The following PLXDC2 variants were observed in gnomAD, a reference collection of about 807,000 sequenced individuals.
PLXDC2 encodes plexin domain-containing protein 2.
In PLXDC2, 40 loss-of-function variants were observed where a neutral mutation model predicts 68.9. The ratio of observed to expected loss-of-function variants is 0.58; its 90% CI spans 0.45 to 0.76. The LOEUF is 0.76. PLXDC2 is among the 30% of genes least tolerant of loss of function. PLXDC2 has a pLI of 0.00. For missense variants in PLXDC2, 644 were observed against 661.9 expected (o/e 0.97, Z 0.30); for synonymous variants, 243 against 234.2 (o/e 1.04, Z -0.34).
At chr10:19,995,580 T>A (rs1834830779) in intron 1 of PLXDC2, among the ~76,000 whole-genome samples, 1 of 152,208 alleles carries the variant, frequency 6.6e-6, no homozygotes, top group Admixed American at 6.5e-5. Context: ...TGAGCCACTT[T>A]TATCAGTTAG....
At chr10:19,844,440 T>C (rs1378814564) in intron 1 of PLXDC2, among the ~76,000 whole-genome samples, 1 of 152,164 alleles carries the variant, frequency 6.6e-6, no homozygotes, top group Non-Finnish European at 1.5e-5. Flanking sequence ...TCAAAAGTGA[T>C]GTATTACAAA....
At chr10:20,198,675 T>C (rs1026549519) in intron 9 of PLXDC2, among the ~76,000 whole-genome samples, 4 of 152,130 alleles carry the variant, frequency 2.6e-5, no homozygotes, top group Non-Finnish European at 5.9e-5. Context: ...CATAAAAAAA[T>C]TATATCTCTG....
At chr10:20,057,717 A>T (rs1025470863) in intron 3 of PLXDC2, among the ~76,000 whole-genome samples, 2 of 152,164 alleles carry the variant, frequency 1.3e-5, no homozygotes, top group African/African-American at 2.4e-5. Flanking sequence ...CTGAAAAGAA[A>T]TGCCAAGTAA....
intron 4 of PLXDC2, among the ~76,000 whole-genome samples, chr10:20,103,482 C>A (rs111851689): frequency 0.023 from 3,530 of 151,202 alleles, 65 homozygotes; most frequent in South Asian, 0.074. Context: ...GAATGTGGAT[C>A]CAGAGATAGC....
chr10:20,150,929 A>G (rs1464364478), intron 6 of PLXDC2, among the ~76,000 whole-genome samples: 1 of 152,216 alleles, frequency 6.6e-6, no homozygotes, highest in Non-Finnish European at 1.5e-5. Flanking sequence ...GGGAATTTCA[A>G]GATGACAGGC....
chr10:20,229,923 T>C (rs1243267145), intron 12 of PLXDC2, among the ~76,000 whole-genome samples: 2 of 151,790 alleles, frequency 1.3e-5, no homozygotes, highest in Non-Finnish European at 2.9e-5. Context: ...CACCAGCCAC[T>C]AAAGAAAAAA....
chr10:20,090,960 T>G (rs1833268302), intron 4 of PLXDC2, among the ~76,000 whole-genome samples: 1 of 152,218 alleles, frequency 6.6e-6, no homozygotes, highest in South Asian at 2.1e-4. Context: ...GAATACAATT[T>G]CAGCCACAGT....
intron 4 of PLXDC2, among the ~76,000 whole-genome samples, chr10:20,114,728 G>A (rs1011361572): frequency 2.0e-5 from 3 of 152,292 alleles, no homozygotes; most frequent in East Asian, 1.9e-4. Context: ...ACAGCAGCCT[G>A]TGAAAATGCA....
chr10:20,019,557 G>T (rs1835269060), intron 2 of PLXDC2, among the ~76,000 whole-genome samples: 1 of 152,168 alleles, frequency 6.6e-6, no homozygotes, highest in African/African-American at 2.4e-5. Context: ...TAAGGTTAAT[G>T]AGGTCATAAG....
chr10:20,154,787 C>A (rs1028419094), intron 6 of PLXDC2, among the ~76,000 whole-genome samples: 2 of 151,398 alleles, frequency 1.3e-5, no homozygotes, highest in Non-Finnish European at 2.9e-5. Flanking sequence ...AACTCGGGTT[C>A]TTTTTTTTCA....
chr10:19,844,858 T>C (rs1836976159), intron 1 of PLXDC2, among the ~76,000 whole-genome samples: 1 of 152,170 alleles, frequency 6.6e-6, no homozygotes, highest in African/African-American at 2.4e-5. Flanking sequence ...CCTCCCAAAG[T>C]GCTGGGATTA....
At chr10:19,924,587 C>A (rs1833508800) in intron 1 of PLXDC2, among the ~76,000 whole-genome samples, 1 of 152,090 alleles carries the variant, frequency 6.6e-6, no homozygotes. Flanking sequence ...TCTTTCCCAG[C>A]CACAACATGA....
chr10:20,234,204 A>C (rs2131881488), intron 12 of PLXDC2, among the ~76,000 whole-genome samples: 1 of 152,244 alleles, frequency 6.6e-6, no homozygotes, highest in East Asian at 1.9e-4. Flanking sequence ...TTAAGACCAA[A>C]GCCCTTGCAA....
intron 12 of PLXDC2, among the ~76,000 whole-genome samples, chr10:20,237,147 C>T (rs1236148730): frequency 6.6e-6 from 1 of 152,122 alleles, no homozygotes; most frequent in Non-Finnish European, 1.5e-5. Context: ...TCTCACCATA[C>T]ATAATGTCCT....
chr10:20,094,167 A>G (rs943983030), intron 4 of PLXDC2, among the ~76,000 whole-genome samples: 8 of 152,246 alleles, frequency 5.3e-5, no homozygotes, highest in African/African-American at 1.9e-4. Context: ...CTTCATCTGT[A>G]GATGAAGTCA....
Position 19,845,432 on chromosome 10 carries a change from T to C in PLXDC2, c.112+28241T>C, listed in dbSNP as rs146596869. On this transcript the variant is annotated intron_variant, in intron 1 of 13. Transcript: ENST00000377252. ...TTGGGATCTTTGAAAACTCTTCTTCTGAGTGTTAATGATAGAGCAAGGCCC... is the reference window on the plus strand; with the variant it reads ...TTGGGATCTTTGAAAACTCTTCTTCCGAGTGTTAATGATAGAGCAAGGCCC... 5.6e-4 allele frequency among the ~76,000 whole-genome samples: 86 copies of C among 152,268 alleles called. 2 individuals carry two copies. In the East Asian group the frequency reaches 0.016, roughly 29 times the overall value.
At chr10:20,015,197 C>G (rs1455458180) in intron 2 of PLXDC2, among the ~76,000 whole-genome samples, 1 of 152,162 alleles carries the variant, frequency 6.6e-6, no homozygotes, top group Non-Finnish European at 1.5e-5. Context: ...TCATTGTCTT[C>G]CTTTGGGCTG....
At chr10:20,105,150 G>A (rs1362777856) in intron 4 of PLXDC2, among the ~76,000 whole-genome samples, 1 of 151,788 alleles carries the variant, frequency 6.6e-6, no homozygotes, top group African/African-American at 2.4e-5. Context: ...GGAACAAGGT[G>A]ATGCTTATGT....
chr10:20,003,951 C>G (rs985411659), intron 2 of PLXDC2, among the ~76,000 whole-genome samples: 3 of 152,134 alleles, frequency 2.0e-5, no homozygotes, highest in Non-Finnish European at 4.4e-5. Flanking sequence ...CTGCTCATTG[C>G]GTGCTGGTAC....
Sources: gnomAD v4.1 joint callset for allele counts (sites outside exome capture counted in the v4.1 genomes callset) on GRCh38, gnomAD v4.1.1 for gene constraint, MANE v1.5 for transcripts, NCBI Gene and HGNC (gene_info 2026-07-23, HGNC 2026-07-21) for gene names.